Variants in GSE1 observed in about 807,000 individuals in gnomAD.
GSE1 encodes the protein Gse1 coiled-coil protein, also known as genetic suppressor element 1.
GSE1 carries 32 observed loss-of-function variants against 112.6 expected under a neutral mutation model. The ratio of observed to expected loss-of-function variants is 0.28; its 90% CI spans 0.21 to 0.38. The LOEUF is 0.38. Among genes scored for constraint, GSE1 ranks in the 10% least tolerant of loss-of-function variants. The pLI, the probability that GSE1 is intolerant of heterozygous loss-of-function variation, is 1.00. For missense variants in GSE1, 2,348 were observed against 1,699.2 expected, an observed-to-expected ratio of 1.38 and a Z score of -6.71; for synonymous variants, 1,115 against 735.6, an observed-to-expected ratio of 1.52 and a Z score of -8.35.
chr16:85,190,845 T>G (rs11866796), intron 1 of GSE1, among the ~76,000 whole-genome samples: 27,772 of 152,178 alleles, frequency 0.18, 2,858 homozygotes, highest in Middle Eastern at 0.28. Flanking sequence ...CTCACCAGGG[T>G]GGGGCTGATG....
chr16:85,547,063 C>G (rs2044726917), intron 2 of GSE1, among the ~76,000 whole-genome samples: 1 of 152,318 alleles, frequency 6.6e-6, no homozygotes, highest in South Asian at 2.1e-4. Flanking sequence ...CCTCACCACA[C>G]CCCTGTCCAG....
intron 2 of GSE1, among the ~76,000 whole-genome samples, chr16:85,515,251 G>A (rs769279717): frequency 5.3e-5 from 8 of 152,136 alleles, no homozygotes; most frequent in African/African-American, 1.4e-4. Flanking sequence ...CCCCATCCCC[G>A]TCCTCAGGGT....
intron 1 of GSE1, among the ~76,000 whole-genome samples, chr16:85,573,038 T>C (rs969845206): frequency 2.0e-5 from 3 of 152,132 alleles, no homozygotes; most frequent in Admixed American, 6.5e-5. Flanking sequence ...CCTAGCTAAT[T>C]TTTGTATTTT....
intron 1 of GSE1, among the ~76,000 whole-genome samples, chr16:85,349,474 T>G (rs1428845877): frequency 6.6e-6 from 1 of 152,030 alleles, no homozygotes; most frequent in African/African-American, 2.4e-5. Flanking sequence ...CCTGTCCATG[T>G]TCCCTTCTCT....
chr16:85,276,246 C>G (rs897551382), intron 1 of GSE1, among the ~76,000 whole-genome samples: 1 of 152,258 alleles, frequency 6.6e-6, no homozygotes, highest in African/African-American at 2.4e-5. Context: ...CTGAGCATTG[C>G]TTTCTGAACT....
chr16:85,650,474 G>T (rs929265819), intron 3 of GSE1, among the ~76,000 whole-genome samples: 4 of 152,184 alleles, frequency 2.6e-5, no homozygotes, highest in Non-Finnish European at 4.4e-5. Flanking sequence ...CCTTGACCCC[G>T]ACCAGAGCTC....
At chr16:85,534,488 T>A (rs1381152831) in intron 2 of GSE1, among the ~76,000 whole-genome samples, 1 of 152,216 alleles carries the variant, frequency 6.6e-6, no homozygotes, top group Non-Finnish European at 1.5e-5. Context: ...CAGTACCTTT[T>A]TGTGACTGGC....
upstream of GSE1, chr16:85,555,739 C>T: frequency 1.0e-6 from 1 of 975,702 alleles, no homozygotes; most frequent in Non-Finnish European, 1.2e-6. Flanking sequence ...GGTCTCTTGA[C>T]CCTCGCCCTT....
chr16:85,549,301 T>C (rs1490321451), intron 2 of GSE1, among the ~76,000 whole-genome samples: 2 of 152,016 alleles, frequency 1.3e-5, no homozygotes, highest in Admixed American at 6.6e-5. Context: ...CAGCTTCCCA[T>C]GTAGCTGGGA....
intron 1 of GSE1, among the ~76,000 whole-genome samples, chr16:85,586,087 G>C (rs145157929): frequency 2.6e-5 from 4 of 152,152 alleles, no homozygotes; most frequent in Non-Finnish European, 5.9e-5. Context: ...CTACTTGGCC[G>C]TCCGTTCCCT....
chr16:85,668,401 A>C lies in GSE1; in HGVS notation c.3392A>C (p.Glu1131Ala). 1 of 1,610,004 alleles carries C rather than the reference A, an allele frequency of 6.2e-7. No individual in the cohort carries two copies. The highest frequency in any genetic ancestry group is 8.5e-7 in the Non-Finnish European group (1 of 1,179,368). ...TGGCAAGGGATCGAGGCCGTTTTTGAAGCTTACCAGGAACACATAGAAGGT... is the reference window on the plus strand; with the variant it reads ...TGGCAAGGGATCGAGGCCGTTTTTGCAGCTTACCAGGAACACATAGAAGGT... ...RKWQGIEAVF[E>A]AYQEHIEEQN... The change falls in exon 14 of 16, where the codon GAA (glutamate) becomes GCA (alanine). Residue 1131 changes from glutamate (E) to alanine (A), a missense_variant. Transcript: ENST00000253458.
intron 1 of GSE1, among the ~76,000 whole-genome samples, chr16:85,564,423 G>A (rs1167307073): frequency 1.3e-5 from 2 of 152,232 alleles, no homozygotes; most frequent in African/African-American, 2.4e-5. Flanking sequence ...TGAGTAATCA[G>A]GGTGACAAGT....
At chr16:85,545,707 G>T (rs1231034161) in intron 2 of GSE1, among the ~76,000 whole-genome samples, 1 of 152,244 alleles carries the variant, frequency 6.6e-6, no homozygotes, top group Non-Finnish European at 1.5e-5. Flanking sequence ...GTATTCGGCA[G>T]AAAGTCAGCA....
chr16:85,436,122 G>T (rs1030833103), intron 2 of GSE1, among the ~76,000 whole-genome samples: 1 of 152,186 alleles, frequency 6.6e-6, no homozygotes, highest in African/African-American at 2.4e-5. Context: ...GGAGTCAGGG[G>T]TCACTGAGTG....
At chr16:85,380,924 C>T (rs1482186580) in intron 2 of GSE1, among the ~76,000 whole-genome samples, 3 of 152,144 alleles carry the variant, frequency 2.0e-5, no homozygotes, top group East Asian at 1.9e-4. Flanking sequence ...CTTTGCAATG[C>T]GTGTTACTTT....
chr16:85,587,576 C>T lies in GSE1; in HGVS notation c.37+31213C>T, dbSNP rs900318179. On this transcript the variant is annotated intron_variant, in intron 1 of 2. Transcript: ENST00000635906. ...AGGTACATCCAGGTACGATCCTGGGCGAGGTGGGGGCTTCTCAGCTCAGCC... is the reference window on the plus strand; with the variant it reads ...AGGTACATCCAGGTACGATCCTGGGTGAGGTGGGGGCTTCTCAGCTCAGCC... 1.3e-4 allele frequency among the ~76,000 whole-genome samples: 20 copies of T among 151,964 alleles called. 1 individual carries two copies. Among genetic ancestry groups the T allele is most frequent in the African/African-American group, 4.4e-4 (18 of 41,358 alleles).
chr16:85,476,550 C>T (rs978042718), intron 2 of GSE1, among the ~76,000 whole-genome samples: 1 of 152,140 alleles, frequency 6.6e-6, no homozygotes, highest in Non-Finnish European at 1.5e-5. Flanking sequence ...CATTATATTC[C>T]ATCCGCCTTG....
At chr16:85,211,399 T>C (rs965215044) in intron 1 of GSE1, among the ~76,000 whole-genome samples, 1 of 151,964 alleles carries the variant, frequency 6.6e-6, no homozygotes, top group Non-Finnish European at 1.5e-5. Flanking sequence ...GTCCCACATC[T>C]TGACTCCAGC....
intron 2 of GSE1, among the ~76,000 whole-genome samples, chr16:85,509,492 G>A (rs1418442368): frequency 6.6e-6 from 1 of 152,230 alleles, no homozygotes; most frequent in Admixed American, 6.5e-5. Flanking sequence ...AGGGGTCATC[G>A]TCCTTGGTCA....
Sources: gnomAD v4.1 joint callset for allele counts (sites outside exome capture counted in the v4.1 genomes callset) on GRCh38, gnomAD v4.1.1 for gene constraint, MANE v1.5 for transcripts, NCBI Gene and HGNC (gene_info 2026-07-23, HGNC 2026-07-21) for gene names.